R3HDM2: variants seen among roughly 807,000 people sequenced by gnomAD.
R3HDM2 encodes the protein R3H domain containing 2.
In R3HDM2, 38 loss-of-function variants were observed where a neutral mutation model predicts 124.5. The ratio of observed to expected loss-of-function variants is 0.31; its 90% CI spans 0.24 to 0.40. R3HDM2 has a LOEUF of 0.40. Ranked by LOEUF, R3HDM2 falls within the 10% of genes least tolerant of loss-of-function variation. The pLI is 1.00. For missense variants in R3HDM2, 869 were observed against 1,236.9 expected (o/e 0.70, Z 4.46); for synonymous variants, 391 against 448.0 (o/e 0.87, Z 1.61).
At chr12:57,406,048 G>A (rs545003038) in intron 1 of R3HDM2, among the ~76,000 whole-genome samples, 41 of 152,224 alleles carry the variant, frequency 2.7e-4, no homozygotes, top group Admixed American at 5.2e-4. Flanking sequence ...GTGGCCAGGC[G>A]CAGTGGCTCA....
intron 2 of R3HDM2, among the ~76,000 whole-genome samples, chr12:57,334,139 A>G (rs191530607): frequency 4.1e-4 from 62 of 152,334 alleles, no homozygotes; most frequent in African/African-American, 1.5e-3. Flanking sequence ...CACAAGCCCA[A>G]CTGGCTGCAG....
intron 2 of R3HDM2, among the ~76,000 whole-genome samples, chr12:57,356,543 T>C (rs2061319452): frequency 6.6e-6 from 1 of 152,198 alleles, no homozygotes; most frequent in Non-Finnish European, 1.5e-5. Context: ...ATTTGGTCTG[T>C]AGTTTTCTTA....
At chr12:57,345,109 C>T (rs1003157675) in intron 2 of R3HDM2, among the ~76,000 whole-genome samples, 1 of 151,932 alleles carries the variant, frequency 6.6e-6, no homozygotes, top group Non-Finnish European at 1.5e-5. Flanking sequence ...GCTGGGATTA[C>T]AGGCATGAGC....
rs1592510203 is a variant in R3HDM2, at chr12:57,269,875, C to T, written c.1464G>A (p.Gln488=). 1.9e-6 allele frequency: 3 copies of T among 1,614,156 alleles called. No homozygotes were observed. Among genetic ancestry groups the T allele is most frequent in the Admixed American group, 3.3e-5 (2 of 60,016 alleles). Residue 488 remains glutamine, a synonymous_variant, in exon 15 of 24, where the codon CAG becomes CAA. Coordinates refer to ENST00000402412, the MANE Select transcript of R3HDM2 (RefSeq NM_001394031.1). The part of the protein sequence containing the change: ...QTPLISQHPQ[Q]TSFIMASTGQ... ...CCGTGGAAGCCATGATGAAGCTAGTCTGCTGAGGGTGCTGGGAGATAAGTG... is the reference window on the plus strand; with the variant it reads ...CCGTGGAAGCCATGATGAAGCTAGTTTGCTGAGGGTGCTGGGAGATAAGTG...
intron 19 of R3HDM2, among the ~76,000 whole-genome samples, chr12:57,261,209 T>C (rs1393111402): frequency 6.6e-6 from 1 of 152,202 alleles, no homozygotes; most frequent in Non-Finnish European, 1.5e-5. Context: ...AAAATTGCAA[T>C]TGACCTTATT....
At chr12:57,403,804 G>A (rs2068267871) in intron 1 of R3HDM2, among the ~76,000 whole-genome samples, 1 of 138,958 alleles carries the variant, frequency 7.2e-6, no homozygotes, top group Admixed American at 7.6e-5. Flanking sequence ...GGGCGACAGA[G>A]TGAGACTCTG....
chr12:57,255,013 G>C lies in R3HDM2; in HGVS notation c.2733C>G (p.Ile911Met). ...GCCCCTGAGCATCCTTGAGCCACTG[G>C]ATCTTGGCGCCAGACATGGCGAGCT... The part of the protein sequence containing the change: ...FTQLAMSGAK[I>M]QWLKDAQGLP... Residue 911 changes from isoleucine to methionine, a missense_variant, in exon 24 of 24, where the codon ATC (isoleucine) becomes ATG (methionine). Ile to Met is a conservative substitution (Grantham distance 10). Coordinates refer to ENST00000402412, the MANE Select transcript of R3HDM2 (RefSeq NM_001394031.1). The C allele has an allele frequency of 6.2e-7, 1 of 1,614,008 alleles. No individual in the cohort carries two copies. The highest frequency in any genetic ancestry group is 8.5e-7 in the Non-Finnish European group (1 of 1,180,018).
In R3HDM2 at chr12:57,264,273, G is replaced by C. The variant is rs143541512; in HGVS notation, c.2131+2458C>G. On this transcript the variant is annotated intron_variant, in intron 19 of 23. Coordinates refer to ENST00000402412, the MANE Select transcript of R3HDM2 (RefSeq NM_001394031.1). ...AAAAAAAAAGACTTCCTTCCCAGCTGGGCTGGGAAGCTGGCTCAACACCTG... is the reference window on the plus strand; with the variant it reads ...AAAAAAAAAGACTTCCTTCCCAGCTCGGCTGGGAAGCTGGCTCAACACCTG... Among the ~76,000 whole-genome samples the C allele has an allele frequency of 8.3e-3, 1,195 of 143,210 alleles. 16 individuals are homozygous for C. The highest frequency in any genetic ancestry group is 0.029 in the African/African-American group (1,115 of 38,916). The allele number at this position is 143,210 out of a possible 152,430, so 94.0% of individuals were successfully genotyped here. A position where few individuals can be genotyped will look rare whatever the true frequency, so the allele number is the denominator to read the frequency against.
At chr12:57,280,920 G>A (rs561276191) in intron 13 of R3HDM2, among the ~76,000 whole-genome samples, 2 of 84,924 alleles carry the variant, frequency 2.4e-5, no homozygotes, top group Admixed American at 1.5e-4. Context: ...TAAGAGATCC[G>A]TCCTTTTGCT....
At chr12:57,357,095 T>C (rs1319705661) in intron 2 of R3HDM2, among the ~76,000 whole-genome samples, 3 of 147,870 alleles carry the variant, frequency 2.0e-5, no homozygotes, top group African/African-American at 7.5e-5. Flanking sequence ...ACAGCGAGAC[T>C]CTGTCTCAAA....
At chr12:57,318,844 A>G (rs892844314) in intron 2 of R3HDM2, among the ~76,000 whole-genome samples, 3 of 152,162 alleles carry the variant, frequency 2.0e-5, no homozygotes, top group Non-Finnish European at 4.4e-5. Context: ...CATTTTACAG[A>G]CAAGTAAACT....
At chr12:57,358,643 C>G (rs960211579) in intron 2 of R3HDM2, among the ~76,000 whole-genome samples, 5 of 89,342 alleles carry the variant, frequency 5.6e-5, no homozygotes, top group Non-Finnish European at 9.4e-5. Flanking sequence ...GACTCCATCT[C>G]AAAAAAAAAA....
intron 2 of R3HDM2, among the ~76,000 whole-genome samples, chr12:57,353,874 GAGAA>G (rs1330228353): frequency 2.0e-5 from 3 of 151,490 alleles, no homozygotes; most frequent in Admixed American, 6.6e-5. Context: ...TTATTTTTTT[GAGAA>G]AGAGTCTCGC....
At chr12:57,347,541 A>G (rs1325944264) in intron 2 of R3HDM2, among the ~76,000 whole-genome samples, 1 of 152,234 alleles carries the variant, frequency 6.6e-6, no homozygotes, top group Non-Finnish European at 1.5e-5. Context: ...AAGATGGTAG[A>G]CAAAATCTAA....
At chr12:57,350,300 G>A (rs879368563) in intron 2 of R3HDM2, among the ~76,000 whole-genome samples, 2 of 151,896 alleles carry the variant, frequency 1.3e-5, no homozygotes, top group Non-Finnish European at 2.9e-5. Context: ...AAAATGGGAG[G>A]AGACTGTGTT....
Position 57,266,172 on chromosome 12 carries a change from C to T in R3HDM2, c.2131+559G>A, listed in dbSNP as rs2042357389. On this transcript the variant is annotated intron_variant, in intron 19 of 23. Coordinates refer to ENST00000402412, the MANE Select transcript of R3HDM2 (RefSeq NM_001394031.1). ...CCAGGCTGGAGTGCAGTGGCATGAGCTGCAACCTCTGCCTCCCAGGTTCAA... is the reference window on the plus strand; with the variant it reads ...CCAGGCTGGAGTGCAGTGGCATGAGTTGCAACCTCTGCCTCCCAGGTTCAA... Among the ~76,000 whole-genome samples the T allele has an allele frequency of 2.7e-5, 4 of 148,456 alleles. No individual in the cohort carries two copies. The South Asian group carries it at 8.5e-4, about 32-fold the overall frequency.
At chr12:57,328,402 T>C (rs2057630829) in intron 2 of R3HDM2, among the ~76,000 whole-genome samples, 1 of 152,100 alleles carries the variant, frequency 6.6e-6, no homozygotes, top group Non-Finnish European at 1.5e-5. Flanking sequence ...TACCCCAACC[T>C]TTAGCAACCA....
rs1184894812 is a variant in R3HDM2 at position 57,284,047 on chromosome 12, A to G, written c.948T>C (p.Arg316=). 6.3e-7 allele frequency: 1 copy of G among 1,598,754 alleles called. No homozygotes were observed. Among genetic ancestry groups the G allele is most frequent in the South Asian group, 1.1e-5 (1 of 89,822 alleles). ...NGYLNDIRGN[R]EGLSRTSSSR... is the part of the protein sequence containing the mutation. ...TGCTTGAGGTGCGGCTCAGTCCTTC[A>G]CGGTTCCCCCTGCAGAGACCATAGT... is the stretch of plus-strand genomic sequence containing the variant. The change falls in exon 13 of 24, where the codon CGT becomes CGC. Residue 316 remains arginine, a synonymous_variant. Transcript: ENST00000402412.
At chr12:57,294,229 A>C (rs535676293) in intron 10 of R3HDM2, among the ~76,000 whole-genome samples, 3 of 152,188 alleles carry the variant, frequency 2.0e-5, no homozygotes, top group Admixed American at 2.0e-4. Flanking sequence ...AAGTACACAG[A>C]AACAACCCTA....
Sources: allele counts gnomAD v4.1 joint callset (sites outside exome capture counted in the v4.1 genomes callset), GRCh38; gene constraint gnomAD v4.1.1; transcripts MANE v1.5; gene names NCBI Gene and HGNC (gene_info 2026-07-23, HGNC 2026-07-21).